Variants in DNAH8 observed in about 807,000 individuals in gnomAD.
The protein encoded by DNAH8 is dynein axonemal heavy chain 8.
DNAH8 carries 382 observed loss-of-function variants against 562.1 expected under a neutral mutation model. That is an observed-to-expected ratio of 0.68 (90% confidence interval 0.63 to 0.74). The LOEUF (loss-of-function observed/expected upper bound fraction) is 0.74, where lower values mean the gene tolerates loss of function less well. Among genes scored for constraint, DNAH8 ranks in the 30% least tolerant of loss-of-function variants. The pLI, the probability that DNAH8 is intolerant of heterozygous loss-of-function variation, is 0.00. For synonymous variants in DNAH8, 1,881 were observed against 1,919.4 expected (o/e 0.98, Z 0.52); for missense variants, 5,203 against 5,620.4 (o/e 0.93, Z 2.37).
At chr6:38,814,367 C>T (rs530324927) in intron 25 of DNAH8, among the ~76,000 whole-genome samples, 3 of 152,236 alleles carry the variant, frequency 2.0e-5, no homozygotes, top group East Asian at 1.9e-4. Flanking sequence ...GAGCACCTGA[C>T]GTCAGGAGTT....
At chr6:39,028,036 C>T (rs191277763) in intron 92 of DNAH8, among the ~76,000 whole-genome samples, 1 of 152,226 alleles carries the variant, frequency 6.6e-6, no homozygotes, top group East Asian at 1.9e-4. Context: ...ATAACGAGGG[C>T]CACGTTTCCT....
intron 75 of DNAH8, 58 bp downstream of exon 75, chr6:38,929,724 G>GAA (rs1222604990): frequency 1.4e-6 from 2 of 1,396,158 alleles, no homozygotes; most frequent in African/African-American, 3.0e-5. Flanking sequence ...AAGAAAAAAA[G>GAA]AAAAAAATTA....
intron 1 of DNAH8, among the ~76,000 whole-genome samples, chr6:38,717,584 T>C (rs1354032766): frequency 6.6e-6 from 1 of 151,564 alleles, no homozygotes; most frequent in Non-Finnish European, 1.5e-5. Context: ...TATGTTACAG[T>C]ATATGATATG....
intron 41 of DNAH8, among the ~76,000 whole-genome samples, chr6:38,854,023 C>T (rs949737068): frequency 8.7e-5 from 13 of 149,082 alleles, no homozygotes; most frequent in Admixed American, 8.0e-4. Context: ...TGTGTAAGTG[C>T]ACGTGTGTGT....
At chr6:38,814,506 G>T (rs1772072775) in intron 25 of DNAH8, among the ~76,000 whole-genome samples, 1 of 152,058 alleles carries the variant, frequency 6.6e-6, no homozygotes, top group Non-Finnish European at 1.5e-5. Context: ...GCTTGAACCT[G>T]GGAGGTGGAG....
intron 35 of DNAH8, among the ~76,000 whole-genome samples, chr6:38,844,589 C>T (rs771989636): frequency 2.0e-5 from 3 of 152,110 alleles, no homozygotes; most frequent in Non-Finnish European, 4.4e-5. Flanking sequence ...ATAATATAGC[C>T]ATTCGTAGGC....
At chr6:38,851,900 C>T (rs74822205) in intron 39 of DNAH8, among the ~76,000 whole-genome samples, 2,313 of 152,246 alleles carry the variant, frequency 0.015, 91 homozygotes, top group East Asian at 0.14. Context: ...GCTGTGTGAT[C>T]TTGGCAGGCT....
intron 1 of DNAH8, among the ~76,000 whole-genome samples, chr6:38,720,717 G>A (rs1762684861): frequency 1.3e-5 from 2 of 152,032 alleles, no homozygotes; most frequent in South Asian, 4.1e-4. Flanking sequence ...AGCAAACAGA[G>A]GATCATGACC....
chr6:38,837,113 A>G (rs1245406012), intron 32 of DNAH8, among the ~76,000 whole-genome samples: 1 of 152,192 alleles, frequency 6.6e-6, no homozygotes, highest in African/African-American at 2.4e-5. Context: ...CAAAGTACAA[A>G]ATATGGCACT....
intron 5 of DNAH8, among the ~76,000 whole-genome samples, chr6:38,736,728 A>G (rs935582278): frequency 6.6e-6 from 1 of 150,922 alleles, no homozygotes; most frequent in Admixed American, 6.6e-5. Context: ...AAAAAAAATC[A>G]TGGACAGGGC....
At chr6:38,973,015 T>G (rs1178628820) in intron 83 of DNAH8, among the ~76,000 whole-genome samples, 1 of 152,222 alleles carries the variant, frequency 6.6e-6, no homozygotes, top group South Asian at 2.1e-4. Flanking sequence ...CTGATTCCTG[T>G]ATAAAGGTAT....
chr6:38,805,570 C>T lies in DNAH8; in HGVS notation c.3124C>T (p.His1042Tyr), dbSNP rs1412212297. 4 of 1,578,892 alleles carry T rather than the reference C, an allele frequency of 2.5e-6. No individual in the cohort carries two copies. Among genetic ancestry groups the T allele is most frequent in the South Asian group, 1.1e-5 (1 of 90,156 alleles). The stretch of plus-strand genomic sequence containing the variant: ...TAATATTGTGAATGAGTTTGATACT[C>T]ATGATAAAGAAGATGAATTTAAAAA... ...EANIVNEFDT[H>Y]DKEDEFKKEC... Residue 1042 changes from histidine to tyrosine, a missense_variant, in exon 23 of 93, where the codon CAT (histidine) becomes TAT (tyrosine). By Grantham distance (83) the His-to-Tyr change is moderately conservative (BLOSUM62 2). Around this residue, in one of 6 missense-constraint regions of DNAH8, gnomAD observed 2,176 missense variants for 2,365.1 expected, o/e 0.92. Coordinates refer to ENST00000327475, the MANE Select transcript of DNAH8 (RefSeq NM_001206927.2).
intron 82 of DNAH8, among the ~76,000 whole-genome samples, chr6:38,953,969 C>T (rs1762086431): frequency 1.3e-5 from 2 of 151,644 alleles, no homozygotes; most frequent in South Asian, 4.1e-4. Flanking sequence ...ATTGGTCTTT[C>T]TTTTTCATTC....
rs61748601 is a variant in DNAH8 at position 38,778,400 on chromosome 6, G to A, written c.1975G>A (p.Ala659Thr). ...TATTTTATTTTAGGTACAAATACAG[G>A]CATTTATGAACAGTAGTTTTGGGAA... ...KINGLEVQIQAFMNSSFGKIL... is the reference protein window; with the variant it reads ...KINGLEVQIQTFMNSSFGKIL... Residue 659 changes from alanine to threonine, a missense_variant, in exon 14 of 93, where the codon GCA becomes ACA. Physicochemically the swap from Ala to Thr is moderately conservative, Grantham distance 58. Coordinates refer to ENST00000327475, the MANE Select transcript of DNAH8 (RefSeq NM_001206927.2). 0.14 allele frequency: 214,487 copies of A among 1,550,288 alleles called. 16,848 individuals are homozygous for A. The highest frequency in any genetic ancestry group is 0.25 in the Admixed American group (14,593 of 58,042).
At chr6:38,881,194 T>C (rs115339750) in intron 53 of DNAH8, among the ~76,000 whole-genome samples, 2,699 of 152,288 alleles carry the variant, frequency 0.018, 84 homozygotes, top group African/African-American at 0.061. Flanking sequence ...TTTGGCAGTG[T>C]TTTAGAAGTT....
intron 3 of DNAH8, among the ~76,000 whole-genome samples, chr6:38,727,469 C>A (rs1351492789): frequency 6.6e-6 from 1 of 152,216 alleles, no homozygotes; most frequent in African/African-American, 2.4e-5. Context: ...TCTCTGCTCC[C>A]ATAGTTATAG....
chr6:38,855,534 A>G (rs1303553697), intron 41 of DNAH8, among the ~76,000 whole-genome samples: 1 of 152,096 alleles, frequency 6.6e-6, no homozygotes, highest in Admixed American at 6.5e-5. Context: ...TAACAATTGT[A>G]CATATTTATG....
chr6:38,845,733 G>T lies in DNAH8; in HGVS notation c.5005G>T (p.Glu1669Ter), dbSNP rs1438128043. ...ATCGGGAGAAATTATCACTTTGATG[G>T]AGGATAGTTTAATGGTCTTAGGGTC... The part of the protein sequence containing the change: ...TESGEIITLM[E>*]DSLMVLGSLL... The change falls in exon 36 of 93, where the codon GAG (glutamate) becomes TAG (stop). Residue 1669 changes from glutamate to a stop codon, truncating the protein, a stop_gained. Coordinates refer to ENST00000327475, the MANE Select transcript of DNAH8 (RefSeq NM_001206927.2). LOFTEE classifies it high-confidence loss of function. 1.2e-6 allele frequency: 2 copies of T among 1,613,830 alleles called. No homozygotes were observed. The highest frequency in any genetic ancestry group is 1.7e-6 in the Non-Finnish European group (2 of 1,179,892).
At chr6:38,763,006 A>G (rs1316193461) in intron 11 of DNAH8, 21 of 402,522 alleles carry the variant, frequency 5.2e-5, no homozygotes, top group South Asian at 3.2e-4. Context: ...TTAGCCATGT[A>G]AGATACAAAG....
Sources: allele counts gnomAD v4.1 joint callset (sites outside exome capture counted in the v4.1 genomes callset), GRCh38; gene constraint gnomAD v4.1.1; regional missense constraint gnomAD v4.1.1; transcripts MANE v1.5; gene names NCBI Gene and HGNC (gene_info 2026-07-23, HGNC 2026-07-21).